Variants in SLFN12 observed in about 807,000 individuals in gnomAD.
SLFN12 encodes ribonuclease SLFN12.
SLFN12 carries 25 observed loss-of-function variants against 29.1 expected under a neutral mutation model. That is an observed-to-expected ratio of 0.86 (90% confidence interval 0.63 to 1.20). SLFN12 has a LOEUF of 1.20. Ranked by LOEUF, SLFN12 falls within the 50% of genes most tolerant of loss-of-function variation. The pLI, the probability that SLFN12 is intolerant of heterozygous loss-of-function variation, is 0.00. For missense variants in SLFN12, 660 were observed against 666.2 expected, an observed-to-expected ratio of 0.99 and a Z score of 0.10; for synonymous variants, 257 against 238.7, an observed-to-expected ratio of 1.08 and a Z score of -0.71.
At chr17:35,427,335 G>A (rs1393400486) in intron 1 of SLFN12, among the ~76,000 whole-genome samples, 2 of 152,156 alleles carry the variant, frequency 1.3e-5, no homozygotes, top group South Asian at 2.1e-4. Context: ...TGGAGAAACA[G>A]AGTTGAAGCT....
In SLFN12 at chr17:35,432,339, G is replaced by C. The variant is rs1912368258; in HGVS notation, c.-192C>G. 1 of 152,242 alleles carries C rather than the reference G, an allele frequency of 6.6e-6. No homozygotes were observed. The highest frequency in any genetic ancestry group is 1.5e-5 in the Non-Finnish European group (1 of 68,132). The allele number at this position is 152,242 out of a possible 1,614,324, so 9.4% of individuals were successfully genotyped here. On this transcript the variant is annotated 5_prime_UTR_variant, in exon 1 of 4. Transcript: ENST00000304905. ...ATTGAAAACGAAAGTGCACTCCACAGGGTGGGAGCAGGCCCGAGGATAGCG... is the reference window on the plus strand; with the variant it reads ...ATTGAAAACGAAAGTGCACTCCACACGGTGGGAGCAGGCCCGAGGATAGCG...
rs768285635 is a variant in SLFN12 at position 35,422,602 on chromosome 17, G to C, written c.427C>G (p.Leu143Val). 6.2e-7 allele frequency: 1 copy of C among 1,613,998 alleles called. No homozygotes were observed. ...TTTTTCATGTCTTTGAGGAACTCCA[G>C]TGCAGCAGTGGCATTCATGACTTTT... The part of the protein sequence containing the change: ...SAKVMNATAA[L>V]EFLKDMKKTR... The change falls in exon 2 of 4, where the codon CTG (leucine) becomes GTG (valine). Residue 143 changes from leucine (L) to valine (V), a missense_variant. Physicochemically the swap from Leu to Val is conservative, Grantham distance 32. Transcript: ENST00000304905.
chr17:35,429,751 T>C (rs1379599072), intron 1 of SLFN12, among the ~76,000 whole-genome samples: 2 of 152,000 alleles, frequency 1.3e-5, no homozygotes, highest in East Asian at 3.9e-4. Flanking sequence ...ACTTTGCATT[T>C]AGTTCAGGAC....
At chr17:35,420,878 T>C (rs1330042982) in intron 2 of SLFN12, 1 of 152,132 alleles carries the variant, frequency 6.6e-6, no homozygotes, top group Non-Finnish European at 1.5e-5. Flanking sequence ...GGCTCACAAA[T>C]GTGAGAAGAA....
chr17:35,431,693 A>G (rs772545901), intron 1 of SLFN12, among the ~76,000 whole-genome samples: 11 of 152,080 alleles, frequency 7.2e-5, no homozygotes, highest in Non-Finnish European at 1.5e-4. Flanking sequence ...TTGTCTCTGG[A>G]TGAAGGCCTT....
At chr17:35,431,131 A>C (rs1213664035) in intron 1 of SLFN12, among the ~76,000 whole-genome samples, 4 of 152,140 alleles carry the variant, frequency 2.6e-5, no homozygotes, top group Non-Finnish European at 4.4e-5. Flanking sequence ...TCCCTTTGTA[A>C]ATGTTTAAAT....
intron 1 of SLFN12, among the ~76,000 whole-genome samples, chr17:35,427,894 TATACAG>T (rs1283935901): frequency 2.0e-5 from 3 of 152,110 alleles, no homozygotes; most frequent in Non-Finnish European, 2.9e-5. Context: ...TTCAATTATA[TATACAG>T]ATACGGTTCA....
chr17:35,418,227 C>A (rs771842612), intron 3 of SLFN12, among the ~76,000 whole-genome samples: 5 of 152,038 alleles, frequency 3.3e-5, no homozygotes, highest in Admixed American at 6.6e-5. Flanking sequence ...CAGGGACAGA[C>A]AATTTGATCA....
rs749650667 is a variant in SLFN12 at position 35,422,452 on chromosome 17, T to A, written c.577A>T (p.Lys193Ter). ...GATTCAGTAAAGGTCAATTTTTCTT[T>A]CCGATCAAGTTCTGTTCTATCAAAA... ...VFFDRTELDR[K>*]EKLTFTESTH... is the part of the protein sequence containing the mutation. Residue 193 changes from lysine (K) to a stop codon, truncating the protein, a stop_gained, in exon 2 of 4, where the codon AAA (lysine) becomes TAA (stop). Coordinates refer to ENST00000304905, the MANE Select transcript of SLFN12 (RefSeq NM_018042.5). LOFTEE classifies it high-confidence loss of function. 6.2e-7 allele frequency: 1 copy of A among 1,612,456 alleles called. No individual in the cohort carries two copies. The highest frequency in any genetic ancestry group is 1.7e-5 in the Admixed American group (1 of 59,718).
rs1450291144 is a variant in SLFN12 at position 35,411,213 on chromosome 17, C to A, written c.*125G>T. ...AGGGAGAAGTGAAAATAGACAAAAC[C>A]CAATTATCCAACATCACATTAAGTT... is the stretch of plus-strand genomic sequence containing the variant. On this transcript the variant is annotated 3_prime_UTR_variant, in exon 4 of 4. Transcript: ENST00000304905. 1.5e-5 allele frequency: 10 copies of A among 662,584 alleles called. No individual in the cohort carries two copies. Among genetic ancestry groups the A allele is most frequent in the Middle Eastern group, 8.6e-4 (2 of 2,330 alleles). The allele number at this position is 662,584 out of a possible 1,614,324, so 41.0% of individuals were successfully genotyped here.
At position 35,425,838 on chromosome 17, in the gene SLFN12, C is replaced by CTTTTTTTTTTTTTTT. The variant is rs58492425; in HGVS notation, c.-40-2785_-40-2771dup. On this transcript the variant is annotated intron_variant, in intron 1 of 3. Coordinates refer to ENST00000304905, the MANE Select transcript of SLFN12 (RefSeq NM_018042.5). ...GGTTCTTTTTCTTTTCTTTTCTTTT[C>CTTTTTTTTTTTTTTT]TTTTTTTTTTTTTTTTTTTTTTTTT... Among the ~76,000 whole-genome samples the CTTTTTTTTTTTTTTT allele has an allele frequency of 9.8e-3, 382 of 39,094 alleles. 16 individuals are homozygous for CTTTTTTTTTTTTTTT. Among genetic ancestry groups the CTTTTTTTTTTTTTTT allele is most frequent in the East Asian group, 0.011 (14 of 1,264 alleles). 25.6% of individuals were successfully genotyped at this position (39,094 alleles called of 152,430 possible).
intron 1 of SLFN12, among the ~76,000 whole-genome samples, chr17:35,427,904 C>T (rs925589315): frequency 7.9e-5 from 12 of 151,948 alleles, no homozygotes; most frequent in Admixed American, 3.3e-4. Flanking sequence ...TATACAGATA[C>T]GGTTCAGATA....
At chr17:35,411,950 T>A (rs1911054448) in intron 3 of SLFN12, 23 bp from the exon 4 acceptor site, 1 of 1,485,598 alleles carries the variant, frequency 6.7e-7, no homozygotes. Context: ...ATAATAATAA[T>A]AAATTATAAA....
chr17:35,425,612 A>C (rs1911962476), intron 1 of SLFN12, among the ~76,000 whole-genome samples: 1 of 151,956 alleles, frequency 6.6e-6, no homozygotes, highest in Non-Finnish European at 1.5e-5. Context: ...TCTTTTTCTT[A>C]AGGCTAATTA....
rs1567849973 is a variant in SLFN12, at chr17:35,422,828, G to A, written c.201C>T (p.Asp67=). ...CTATTCCATCTTTTGTATAACTATA[G>A]TCTTCATTCTCAATTTCAGCCTTGA... ...GVIKAEIENE[D]YSYTKDGIGL... Residue 67 remains aspartate, a synonymous_variant, in exon 2 of 4, where the codon GAC becomes GAT. Coordinates refer to ENST00000304905, the MANE Select transcript of SLFN12 (RefSeq NM_018042.5). 1.2e-6 allele frequency: 2 copies of A among 1,613,816 alleles called. No individual in the cohort carries two copies. The highest frequency in any genetic ancestry group is 4.5e-5 in the East Asian group (2 of 44,888).
intron 1 of SLFN12, among the ~76,000 whole-genome samples, chr17:35,430,221 C>T (rs567044160): frequency 1.3e-5 from 2 of 152,114 alleles, no homozygotes; most frequent in East Asian, 3.9e-4. Context: ...GGAGGGTGTC[C>T]TGCTCACTGA....
chr17:35,420,335 T>G lies in SLFN12; in HGVS notation c.1086A>C (p.Ser362=). 1 of 1,613,924 alleles carries G rather than the reference T, an allele frequency of 6.2e-7. No individual in the cohort carries two copies. The highest frequency in any genetic ancestry group is 8.5e-7 in the Non-Finnish European group (1 of 1,179,892). Reference sequence around the variant, plus strand: ...GAGGCCAACTGTGGGGAGCAGGTAATGACGTATTTATTTGAGAGATCACCT... The same window carrying G: ...GAGGCCAACTGTGGGGAGCAGGTAAGGACGTATTTATTTGAGAGATCACCT... The part of the protein sequence containing the change: ...YEEVISQINT[S]LPAPHSWPLL... Residue 362 remains serine, a synonymous_variant, in exon 3 of 4, where the codon TCA becomes TCC. Transcript: ENST00000304905.
rs149263005 is a variant in SLFN12 at position 35,419,750 on chromosome 17, A to G, written c.1147+524T>C. Among the ~76,000 whole-genome samples, 6 of 152,270 alleles carry G rather than the reference A, an allele frequency of 3.9e-5. No individual in the cohort carries two copies. The East Asian group carries it at 7.7e-4, about 20-fold the overall frequency. ...TACTTGAATATTCACACACCTCCTG[A>G]GCCAACAATTCTACTCCTACTTAGG... is the stretch of plus-strand genomic sequence containing the variant. On this transcript the variant is annotated intron_variant, in intron 3 of 3. Transcript: ENST00000304905.
intron 1 of SLFN12, among the ~76,000 whole-genome samples, chr17:35,430,779 TAAAC>T (rs1305391295): frequency 1.3e-5 from 2 of 151,794 alleles, no homozygotes; most frequent in Non-Finnish European, 2.9e-5. Context: ...CCAACTTAAG[TAAAC>T]AATCTCCTCA....
Sources: gnomAD v4.1 joint callset for allele counts (sites outside exome capture counted in the v4.1 genomes callset) on GRCh38, gnomAD v4.1.1 for gene constraint, MANE v1.5 for transcripts, NCBI Gene and HGNC (gene_info 2026-07-23, HGNC 2026-07-21) for gene names.